OR2C1: variants seen among roughly 807,000 people sequenced by gnomAD.
OR2C1 encodes the protein olfactory receptor family 2 subfamily C member 1.
For synonymous variants in OR2C1, 209 were observed against 167.3 expected, an observed-to-expected ratio of 1.25 and a Z score of -1.92; for missense variants, 468 against 388.3, an observed-to-expected ratio of 1.21 and a Z score of -1.73.
chr16:3,329,748 C>CT, the OR2C1 span, among the ~76,000 whole-genome samples: 1,330 of 62,570 alleles, frequency 0.021, 132 homozygotes, highest in African/African-American at 0.068. Context: ...GGCGCCCGGC[C>CT]TTTTTTTTTT....
At chr16:3,331,466 C>T in the OR2C1 span, among the ~76,000 whole-genome samples, 1 of 151,064 alleles carries the variant, frequency 6.6e-6, no homozygotes, top group Non-Finnish European at 1.5e-5. Context: ...CTTGCCCATG[C>T]CTATGTCCTG....
At chr16:3,357,962 C>T (rs868138280), downstream of OR2C1, among the ~76,000 whole-genome samples, 1 of 151,722 alleles carries the variant, frequency 6.6e-6, no homozygotes. Context: ...GCCTGGGTAA[C>T]GAGCAAAACT....
At chr16:3,326,229 C>T in the OR2C1 span, among the ~76,000 whole-genome samples, 1 of 152,068 alleles carries the variant, frequency 6.6e-6, no homozygotes, top group Non-Finnish European at 1.5e-5. Flanking sequence ...GTGCCTGGCT[C>T]AAGTGCATTC....
At chr16:3,337,484 A>G in the OR2C1 span, among the ~76,000 whole-genome samples, 4 of 151,994 alleles carry the variant, frequency 2.6e-5, no homozygotes, top group African/African-American at 7.2e-5. Flanking sequence ...TGTGTATTTT[A>G]AAATAGCCTG....
chr16:3,351,887 C>CTTTT (rs35692577), upstream of OR2C1, among the ~76,000 whole-genome samples: 1 of 124,582 alleles, frequency 8.0e-6, no homozygotes, highest in African/African-American at 2.9e-5. Flanking sequence ...AGCATTTAGT[C>CTTTT]TTTTTTTTTT....
At chr16:3,347,768 ACACACATG>A in the OR2C1 span, among the ~76,000 whole-genome samples, 1 of 152,022 alleles carries the variant, frequency 6.6e-6, no homozygotes, top group East Asian at 1.9e-4. Context: ...ACACATATGA[ACACACATG>A]CACACACGCA....
chr16:3,338,515 G>T, the OR2C1 span, among the ~76,000 whole-genome samples: 4 of 142,340 alleles, frequency 2.8e-5, no homozygotes, highest in African/African-American at 1.0e-4. Flanking sequence ...CTGTGGGGCT[G>T]GACAGGAGTC....
At chr16:3,327,351 C>G in the OR2C1 span, among the ~76,000 whole-genome samples, 1 of 152,010 alleles carries the variant, frequency 6.6e-6, no homozygotes, top group Admixed American at 6.6e-5. Flanking sequence ...AGAGATAATT[C>G]TTGACAATCT....
chr16:3,336,712 C>CTTT, the OR2C1 span, among the ~76,000 whole-genome samples: 184 of 96,778 alleles, frequency 1.9e-3, 3 homozygotes, highest in South Asian at 3.2e-3. Flanking sequence ...TTCTTTCTTT[C>CTTT]TTTTTTTTTT....
chr16:3,356,525 C>G lies in OR2C1; in HGVS notation c.585C>G (p.Asn195Lys). The part of the protein sequence containing the change: ...IKLACGDTSL[N>K]QAVLNGVCTF... ...TGGCCTGTGGCGACACAAGTCTCAA[C>G]CAGGCTGTGCTCAATGGTGTCTGCA... Residue 195 changes from asparagine (N) to lysine (K), a missense_variant, in exon 1 of 1, where the codon AAC becomes AAG. Transcript: ENST00000304936. 1 of 1,614,150 alleles carries G rather than the reference C, an allele frequency of 6.2e-7. No individual in the cohort carries two copies. The highest frequency in any genetic ancestry group is 1.3e-5 in the African/African-American group (1 of 75,072).
At chr16:3,334,977 C>G in the OR2C1 span, among the ~76,000 whole-genome samples, 1 of 152,154 alleles carries the variant, frequency 6.6e-6, no homozygotes, top group South Asian at 2.1e-4. Flanking sequence ...TGCCACCATG[C>G]CTGGCTAATT....
the OR2C1 span, among the ~76,000 whole-genome samples, chr16:3,339,398 A>G: frequency 6.6e-6 from 1 of 151,008 alleles, no homozygotes; most frequent in South Asian, 2.1e-4. Flanking sequence ...GTGGGGTTGT[A>G]TGGTAATTCT....
chr16:3,329,331 G>T, the OR2C1 span, among the ~76,000 whole-genome samples: 3 of 151,820 alleles, frequency 2.0e-5, no homozygotes, highest in East Asian at 5.8e-4. Flanking sequence ...TCTGAAGAAT[G>T]ACCAAGAATG....
the OR2C1 span, among the ~76,000 whole-genome samples, chr16:3,350,602 G>A: frequency 1.7e-4 from 25 of 150,638 alleles, no homozygotes; most frequent in African/African-American, 5.4e-4. Flanking sequence ...TACTGGAGAC[G>A]GGGTTTCACT....
At chr16:3,323,485 A>C in the OR2C1 span, 1 of 736,702 alleles carries the variant, frequency 1.4e-6, no homozygotes, top group Non-Finnish European at 2.5e-6. Flanking sequence ...ATTCCCGGAC[A>C]GACTTCAGAT....
At chr16:3,345,375 A>G in the OR2C1 span, among the ~76,000 whole-genome samples, 1 of 151,852 alleles carries the variant, frequency 6.6e-6, no homozygotes, top group South Asian at 2.1e-4. Flanking sequence ...AGTCCCAGCT[A>G]CTCGGGAGGC....
At chr16:3,350,752 C>G in the OR2C1 span, among the ~76,000 whole-genome samples, 1 of 151,764 alleles carries the variant, frequency 6.6e-6, no homozygotes, top group South Asian at 2.1e-4. Context: ...AACCCCTTCA[C>G]AAAAGTCATC....
At chr16:3,337,901 G>T in the OR2C1 span, among the ~76,000 whole-genome samples, 1 of 152,234 alleles carries the variant, frequency 6.6e-6, no homozygotes, top group Non-Finnish European at 1.5e-5. Context: ...TGTTTTCTTA[G>T]GGATTCTTTG....
chr16:3,331,329 T>G, the OR2C1 span, among the ~76,000 whole-genome samples: 2 of 151,690 alleles, frequency 1.3e-5, no homozygotes, highest in African/African-American at 2.4e-5. Flanking sequence ...TTCTCCCATT[T>G]TGTAGGTTGC....
Sources: allele counts gnomAD v4.1 joint callset (sites outside exome capture counted in the v4.1 genomes callset), GRCh38; gene constraint gnomAD v4.1.1; transcripts MANE v1.5; gene names NCBI Gene and HGNC (gene_info 2026-07-23, HGNC 2026-07-21).